The following BNC2 variants were observed in gnomAD, a reference collection of about 807,000 sequenced individuals.
The protein encoded by BNC2 is zinc finger protein basonuclin-2.
In BNC2, 20 loss-of-function variants were observed where a neutral mutation model predicts 76.3. The observed-to-expected ratio is 0.26, with a 90% confidence interval of 0.18 to 0.38. BNC2 has a LOEUF of 0.38. BNC2 is among the 10% of genes least tolerant of loss of function. The probability of loss-of-function intolerance (pLI) is 1.00; values close to 1 mark genes in which losing one functional copy is unlikely to be tolerated. For missense variants in BNC2, 1,382 were observed against 1,399.8 expected (o/e 0.99, Z 0.20); for synonymous variants, 582 against 514.8 (o/e 1.13, Z -1.77).
At chr9:16,811,958 A>G (rs1440456410) in intron 1 of BNC2, among the ~76,000 whole-genome samples, 1 of 152,172 alleles carries the variant, frequency 6.6e-6, no homozygotes, top group African/African-American at 2.4e-5. Context: ...GAGGTGTGAA[A>G]AAGAATTAAT....
At chr9:16,625,407 T>A (rs557495596) in intron 3 of BNC2, among the ~76,000 whole-genome samples, 1 of 152,228 alleles carries the variant, frequency 6.6e-6, no homozygotes, top group African/African-American at 2.4e-5. Context: ...AATATGAAAA[T>A]GAGCCAATGA....
intron 5 of BNC2, among the ~76,000 whole-genome samples, chr9:16,450,101 T>A (rs926977928): frequency 2.0e-5 from 3 of 152,212 alleles, no homozygotes; most frequent in Non-Finnish European, 4.4e-5. Flanking sequence ...GCTAAGCCAA[T>A]TTCATTGATG....
At chr9:16,550,710 T>C (rs1210237394) in intron 5 of BNC2, among the ~76,000 whole-genome samples, 1 of 152,122 alleles carries the variant, frequency 6.6e-6, no homozygotes, top group Non-Finnish European at 1.5e-5. Context: ...CACATACACA[T>C]GAAACTGAAA....
chr9:16,813,899 G>A (rs78664440), intron 1 of BNC2, among the ~76,000 whole-genome samples: 2,976 of 152,244 alleles, frequency 0.02, 97 homozygotes, highest in African/African-American at 0.068. Flanking sequence ...TGGTTTTCAT[G>A]ACATTCTCAG....
At chr9:16,639,689 G>A (rs1821431978) in intron 3 of BNC2, among the ~76,000 whole-genome samples, 2 of 152,088 alleles carry the variant, frequency 1.3e-5, no homozygotes, top group South Asian at 2.1e-4. Context: ...GGCTGAGGCA[G>A]GAAGACCGCT....
chr9:16,682,303 A>T (rs1375728423), intron 3 of BNC2, among the ~76,000 whole-genome samples: 1 of 151,180 alleles, frequency 6.6e-6, no homozygotes, highest in Non-Finnish European at 1.5e-5. Flanking sequence ...CTTCTCCAAC[A>T]TCATAGGAAT....
intron 3 of BNC2, among the ~76,000 whole-genome samples, chr9:16,611,823 G>T (rs990611104): frequency 2.2e-5 from 1 of 45,636 alleles, no homozygotes; most frequent in Non-Finnish European, 6.9e-5. Context: ...AACAATTCTT[G>T]ATTTAACAAA....
chr9:16,748,416 G>C (rs1427276874), intron 1 of BNC2, among the ~76,000 whole-genome samples: 1 of 152,196 alleles, frequency 6.6e-6, no homozygotes, highest in Non-Finnish European at 1.5e-5. Flanking sequence ...CAGAGGCTGA[G>C]GTGGGAGGGT....
intron 3 of BNC2, among the ~76,000 whole-genome samples, chr9:16,712,925 G>A (rs1295763737): frequency 2.6e-5 from 4 of 152,182 alleles, no homozygotes; most frequent in Non-Finnish European, 4.4e-5. Context: ...GGCATAGACA[G>A]GGATGGTTTA....
chr9:16,727,363 G>C (rs899015818), intron 3 of BNC2: 1 of 194,920 alleles, frequency 5.1e-6, no homozygotes, highest in Non-Finnish European at 1.1e-5. Flanking sequence ...GGGCTGTTCT[G>C]AGGGGCCCCG....
intron 3 of BNC2, among the ~76,000 whole-genome samples, chr9:16,717,202 C>T (rs1237155615): frequency 4.6e-5 from 7 of 152,122 alleles, no homozygotes; most frequent in African/African-American, 1.2e-4. Context: ...CCATTTCTTA[C>T]GATGCATCTG....
At chr9:16,667,127 C>CACACGCT (rs1563889050) in intron 3 of BNC2, among the ~76,000 whole-genome samples, 2,083 of 151,214 alleles carry the variant, frequency 0.014, 54 homozygotes, top group African/African-American at 0.047. Context: ...GCACACACGC[C>CACACGCT]GATGTTATAA....
intron 4 of BNC2, among the ~76,000 whole-genome samples, chr9:16,564,510 C>T (rs941184945): frequency 6.6e-6 from 1 of 152,096 alleles, no homozygotes; most frequent in African/African-American, 2.4e-5. Context: ...ACTGCCTCTC[C>T]ACCTGCCCAC....
chr9:16,448,828 T>C (rs1310147135), intron 5 of BNC2, among the ~76,000 whole-genome samples: 1 of 152,248 alleles, frequency 6.6e-6, no homozygotes, highest in Non-Finnish European at 1.5e-5. Context: ...TACACAAGGC[T>C]GTTAATGGAT....
intron 3 of BNC2, among the ~76,000 whole-genome samples, chr9:16,638,941 A>G (rs1183942136): frequency 6.6e-6 from 1 of 152,194 alleles, no homozygotes; most frequent in Non-Finnish European, 1.5e-5. Flanking sequence ...AATAATTAGA[A>G]AGTAATAATG....
intron 1 of BNC2, among the ~76,000 whole-genome samples, chr9:16,859,343 A>G (rs764707334): frequency 8.5e-5 from 13 of 152,234 alleles, no homozygotes; most frequent in Non-Finnish European, 1.6e-4. Context: ...TCCCACTTCT[A>G]CATATATGTC....
intron 1 of BNC2, among the ~76,000 whole-genome samples, chr9:16,787,386 G>C (rs1826324643): frequency 6.6e-6 from 1 of 152,222 alleles, no homozygotes; most frequent in East Asian, 1.9e-4. Flanking sequence ...TCTGAAAACA[G>C]CATGATGTGC....
At chr9:16,779,291 G>C (rs1255152379) in intron 1 of BNC2, among the ~76,000 whole-genome samples, 1 of 111,690 alleles carries the variant, frequency 9.0e-6, no homozygotes, top group African/African-American at 3.4e-5. Flanking sequence ...GTGACAGAGA[G>C]ACCCTCTCTC....
At chr9:16,724,871 C>G (rs1174587656) in intron 3 of BNC2, among the ~76,000 whole-genome samples, 1 of 151,942 alleles carries the variant, frequency 6.6e-6, no homozygotes, top group Non-Finnish European at 1.5e-5. Context: ...AGTTTTGAAA[C>G]CTTTTATAGC....
Sources: allele counts gnomAD v4.1 joint callset (sites outside exome capture counted in the v4.1 genomes callset), GRCh38; gene constraint gnomAD v4.1.1; transcripts MANE v1.5; gene names NCBI Gene and HGNC (gene_info 2026-07-23, HGNC 2026-07-21).